Variants in SPECC1 observed in about 807,000 individuals in gnomAD.
SPECC1 encodes sperm antigen with calponin homology and coiled-coil domains 1, also known as cytospin-B.
Under a neutral mutation model 104.1 loss-of-function variants are expected in SPECC1, and 62 were observed. That is an observed-to-expected ratio of 0.60 (90% confidence interval 0.49 to 0.74). The LOEUF (loss-of-function observed/expected upper bound fraction) is 0.74, where lower values mean the gene tolerates loss of function less well. Ranked by LOEUF, SPECC1 falls within the 30% of genes least tolerant of loss-of-function variation. The probability of loss-of-function intolerance (pLI) is 0.00; values close to 1 mark genes in which losing one functional copy is unlikely to be tolerated. For missense variants in SPECC1, 1,306 were observed against 1,310.5 expected (o/e 1.00, Z 0.05); for synonymous variants, 513 against 501.6 (o/e 1.02, Z -0.30).
chr17:20,206,751 TAA>T (rs534451947), intron 4 of SPECC1, among the ~76,000 whole-genome samples: 48 of 152,314 alleles, frequency 3.2e-4, no homozygotes, highest in Non-Finnish European at 5.7e-4. Flanking sequence ...ATAAACATTT[TAA>T]AGACTTTCAA....
chr17:20,019,853 A>T (rs1298795185), intron 1 of SPECC1, among the ~76,000 whole-genome samples: 1 of 151,854 alleles, frequency 6.6e-6, no homozygotes, highest in East Asian at 1.9e-4. Context: ...AGGGCCTTTC[A>T]TCACTGGCTT....
intron 1 of SPECC1, among the ~76,000 whole-genome samples, chr17:20,023,428 A>C (rs1164906324): frequency 6.6e-6 from 1 of 152,176 alleles, no homozygotes; most frequent in Non-Finnish European, 1.5e-5. Context: ...AATCCAGTCT[A>C]TTCAGCTTAA....
chr17:20,306,084 T>C lies in SPECC1; in HGVS notation c.3117+2T>C, dbSNP rs2041753174. The C allele has an allele frequency of 1.2e-6, 2 of 1,613,216 alleles. No homozygotes were observed. Among genetic ancestry groups the C allele is most frequent in the Admixed American group, 1.7e-5 (1 of 59,854 alleles). On this transcript the variant is annotated splice_donor_variant, in intron 14 of 14. Coordinates refer to ENST00000395527, the MANE Select transcript of SPECC1 (RefSeq NM_001243439.2). LOFTEE classifies it high-confidence loss of function. ...AGTGTAGGCATCAAACCCAGCCTGGTACGTATCCTATTTTGTATCCTTGTG... is the reference window on the plus strand; with the variant it reads ...AGTGTAGGCATCAAACCCAGCCTGGCACGTATCCTATTTTGTATCCTTGTG...
chr17:20,271,434 G>A (rs192784013), intron 12 of SPECC1, among the ~76,000 whole-genome samples: 6 of 151,878 alleles, frequency 4.0e-5, no homozygotes, highest in African/African-American at 9.7e-5. Flanking sequence ...GTCATTCATA[G>A]ATTAGCCATG....
At chr17:20,021,693 TATATA>T (rs1567797506) in intron 1 of SPECC1, among the ~76,000 whole-genome samples, 96 of 115,690 alleles carry the variant, frequency 8.3e-4, no homozygotes, top group African/African-American at 3.7e-3. Context: ...AATATATATA[TATATA>T]TATATTTTTT....
At chr17:20,130,675 C>T (rs926390880) in intron 3 of SPECC1, among the ~76,000 whole-genome samples, 1 of 152,184 alleles carries the variant, frequency 6.6e-6, no homozygotes, top group Admixed American at 6.5e-5. Flanking sequence ...ATCAAGTAGA[C>T]TGATTCTTCC....
chr17:20,260,376 G>A lies in SPECC1; in HGVS notation c.2940+82G>A. ...CAATACATGTTCCTTGTGTGCCTGT[G>A]CTTGATGGGCCAATATGCATGTAAT... On this transcript the variant is annotated intron_variant, in intron 12 of 14. Coordinates refer to ENST00000395527, the MANE Select transcript of SPECC1 (RefSeq NM_001243439.2). 6 of 1,153,092 alleles carry A rather than the reference G, an allele frequency of 5.2e-6. No individual in the cohort carries two copies. In the South Asian group the frequency reaches 8.5e-5, roughly 16 times the overall value. The allele number at this position is 1,153,092 out of a possible 1,614,324, so 71.4% of individuals were successfully genotyped here. A position where few individuals can be genotyped will look rare whatever the true frequency, so the allele number is the denominator to read the frequency against.
At chr17:20,237,252 T>G in intron 7 of SPECC1, 1 of 1,213,858 alleles carries the variant, frequency 8.2e-7, no homozygotes, top group Non-Finnish European at 1.0e-6. Context: ...GATGCAGAGC[T>G]GGGTACAGCG....
Position 20,209,575 on chromosome 17 carries a change from A to G in SPECC1, c.1863+3663A>G, listed in dbSNP as rs539918287. Among the ~76,000 whole-genome samples, 239 of 143,660 alleles carry G rather than the reference A, an allele frequency of 1.7e-3. 3 individuals carry two copies. The South Asian group carries it at 0.027, about 16-fold the overall frequency. 94.2% of individuals were successfully genotyped at this position (143,660 alleles called of 152,430 possible). Reference sequence around the variant, plus strand: ...TTTTTCTTCTCATTTCTTTTTCTTCATTGGTTTGCTGATTTCTTTATTTTT... The same window carrying G: ...TTTTTCTTCTCATTTCTTTTTCTTCGTTGGTTTGCTGATTTCTTTATTTTT... On this transcript the variant is annotated intron_variant, in intron 4 of 14. Coordinates refer to ENST00000395527, the MANE Select transcript of SPECC1 (RefSeq NM_001243439.2).
intron 3 of SPECC1, among the ~76,000 whole-genome samples, chr17:20,113,704 A>G (rs1292255380): frequency 2.0e-5 from 3 of 152,120 alleles, no homozygotes; most frequent in African/African-American, 4.8e-5. Flanking sequence ...GGAAGAACTT[A>G]CCTATCACTA....
Position 20,096,630 on chromosome 17 carries a change from G to A in SPECC1, c.-21-1G>A, listed in dbSNP as rs1471312525. ...TGTTTTTCTTTTCTGCTCTTTTGCA[G>A]GACAGACCCACGAAGTCAAGCATGC... On this transcript the variant is annotated splice_acceptor_variant, in intron 1 of 14. Coordinates refer to ENST00000395527, the MANE Select transcript of SPECC1 (RefSeq NM_001243439.2). LOFTEE classifies it low-confidence loss of function (5UTR_SPLICE). The A allele has an allele frequency of 4.4e-6, 7 of 1,604,264 alleles. No homozygotes were observed. The African/African-American group carries it at 8.0e-5, about 18-fold the overall frequency.
At chr17:20,092,933 A>G (rs1357876716) in intron 1 of SPECC1, among the ~76,000 whole-genome samples, 1 of 152,184 alleles carries the variant, frequency 6.6e-6, no homozygotes, top group Non-Finnish European at 1.5e-5. Context: ...TTATTCAGAG[A>G]GGCCATCCGT....
intron 3 of SPECC1, among the ~76,000 whole-genome samples, chr17:20,117,655 G>T (rs147334877): frequency 6.7e-6 from 1 of 148,232 alleles, no homozygotes; most frequent in African/African-American, 2.5e-5. Flanking sequence ...AGCTGGGTGC[G>T]TGCCTGTAGT....
chr17:20,155,864 G>A (rs2032427581), intron 3 of SPECC1: 3 of 1,057,740 alleles, frequency 2.8e-6, no homozygotes, highest in Non-Finnish European at 3.5e-6. Context: ...AGCCAAGAAG[G>A]AAATACAGAT....
chr17:20,218,133 G>A (rs925068624), intron 4 of SPECC1, among the ~76,000 whole-genome samples: 7 of 152,156 alleles, frequency 4.6e-5, no homozygotes, highest in Non-Finnish European at 1.0e-4. Flanking sequence ...ATTTTTCTTG[G>A]TCAAACTGAC....
At chr17:20,177,274 C>T (rs1186073707) in intron 3 of SPECC1, among the ~76,000 whole-genome samples, 1 of 152,164 alleles carries the variant, frequency 6.6e-6, no homozygotes, top group Admixed American at 6.5e-5. Context: ...TAGGTTAAAA[C>T]TAGAATGTGC....
At chr17:20,019,447 C>G (rs1168118387) in intron 1 of SPECC1, among the ~76,000 whole-genome samples, 1 of 152,026 alleles carries the variant, frequency 6.6e-6, no homozygotes, top group East Asian at 1.9e-4. Context: ...GAGTGGAGAA[C>G]ATTTCCTGAT....
At chr17:20,121,849 T>C (rs1253495862) in intron 3 of SPECC1, among the ~76,000 whole-genome samples, 2 of 152,236 alleles carry the variant, frequency 1.3e-5, no homozygotes, top group East Asian at 3.8e-4. Flanking sequence ...CCTTCTCCTC[T>C]GCTACAAGTT....
chr17:20,156,184 G>A, intron 3 of SPECC1: 1 of 1,446,644 alleles, frequency 6.9e-7, no homozygotes, highest in Admixed American at 2.8e-5. Context: ...GCTGGTGCCC[G>A]AGTCGGCCAA....
Sources: gnomAD v4.1 joint callset for allele counts (sites outside exome capture counted in the v4.1 genomes callset) on GRCh38, gnomAD v4.1.1 for gene constraint, MANE v1.5 for transcripts, NCBI Gene and HGNC (gene_info 2026-07-23, HGNC 2026-07-21) for gene names.